Variants in UBR3 observed in about 807,000 individuals in gnomAD.
UBR3 encodes the protein E3 ubiquitin-protein ligase UBR3.
UBR3 carries 85 observed loss-of-function variants against 243.2 expected under a neutral mutation model. The ratio of observed to expected loss-of-function variants is 0.35; its 90% CI spans 0.29 to 0.42. UBR3 has a LOEUF of 0.42. Ranked by LOEUF, UBR3 falls within the 10% of genes least tolerant of loss-of-function variation. The pLI is 1.00. For missense variants in UBR3, 1,686 were observed against 2,300.8 expected (o/e 0.73, Z 5.47); for synonymous variants, 748 against 799.8 (o/e 0.94, Z 1.09).
intron 1 of UBR3, among the ~76,000 whole-genome samples, chr2:169,844,581 C>T (rs530181769): frequency 8.6e-5 from 13 of 150,444 alleles, no homozygotes; most frequent in African/African-American, 3.2e-4. Context: ...GCAACCTCTG[C>T]CTCCTGGGTT....
chr2:169,872,392 T>A lies in UBR3; in HGVS notation c.685+17T>A. 7.1e-7 allele frequency: 1 copy of A among 1,417,530 alleles called. No homozygotes were observed. The highest frequency in any genetic ancestry group is 2.6e-5 in the East Asian group (1 of 38,380). The allele number at this position is 1,417,530 out of a possible 1,614,324, so 87.8% of individuals were successfully genotyped here. A position where few individuals can be genotyped will look rare whatever the true frequency, so the allele number is the denominator to read the frequency against. ...ATGAACCAGGTATGTTTTAATCTAC[T>A]TCTTGTTAGTACTCTTTTTAAATTG... On this transcript the variant is annotated intron_variant, in intron 2 of 38. Transcript: ENST00000272793.
intron 30 of UBR3, among the ~76,000 whole-genome samples, chr2:170,023,914 T>C (rs1371401682): frequency 1.3e-5 from 2 of 152,066 alleles, no homozygotes; most frequent in Non-Finnish European, 2.9e-5. Context: ...GGTTTCACCA[T>C]GTTGGTCTCG....
At chr2:170,028,066 G>A (rs922710260) in intron 30 of UBR3, among the ~76,000 whole-genome samples, 1 of 151,934 alleles carries the variant, frequency 6.6e-6, no homozygotes, top group African/African-American at 2.4e-5. Context: ...GGAAGATGTA[G>A]GCTACACATT....
At chr2:170,064,865 C>T (rs567901128) in intron 35 of UBR3, among the ~76,000 whole-genome samples, 1 of 128,792 alleles carries the variant, frequency 7.8e-6, no homozygotes, top group African/African-American at 2.9e-5. Flanking sequence ...TTTTTTGAGA[C>T]AGAGACTCGC....
chr2:169,842,803 C>T (rs919575963), intron 1 of UBR3, among the ~76,000 whole-genome samples: 21 of 152,216 alleles, frequency 1.4e-4, no homozygotes, highest in African/African-American at 4.1e-4. Flanking sequence ...CGAGGGTCCG[C>T]GGCTTCATTC....
intron 19 of UBR3, among the ~76,000 whole-genome samples, chr2:169,933,235 A>T (rs1340407241): frequency 2.6e-5 from 4 of 152,226 alleles, no homozygotes; most frequent in African/African-American, 9.6e-5. Context: ...CACTAAATTA[A>T]AAAACAGAAA....
At position 170,040,847 on chromosome 2, in the gene UBR3, C is replaced by T. The variant is rs564735129; in HGVS notation, c.4557-35C>T. The T allele has an allele frequency of 1.2e-4, 175 of 1,482,470 alleles. 3 individuals carry two copies. The South Asian group carries it at 1.9e-3, about 16-fold the overall frequency. 91.8% of individuals were successfully genotyped at this position (1,482,470 alleles called of 1,614,324 possible). A position where few individuals can be genotyped will look rare whatever the true frequency, so the allele number is the denominator to read the frequency against. The stretch of plus-strand genomic sequence containing the variant: ...AAATAAATTAGAAAGAGAAGATATA[C>T]AATACTATGTAAAGTGACTACATTT... On this transcript the variant is annotated intron_variant, in intron 31 of 38. Transcript: ENST00000272793.
intron 38 of UBR3, among the ~76,000 whole-genome samples, chr2:170,081,344 CA>C (rs1211413333): frequency 6.6e-6 from 1 of 151,726 alleles, no homozygotes. Flanking sequence ...ACTAAAAATA[CA>C]AAAAATTAGC....
At chr2:170,055,059 G>T (rs1052441580) in intron 32 of UBR3, among the ~76,000 whole-genome samples, 2 of 152,186 alleles carry the variant, frequency 1.3e-5, no homozygotes, top group African/African-American at 4.8e-5. Flanking sequence ...CTCTTTGGGA[G>T]GCTGCAGTGG....
intron 26 of UBR3, among the ~76,000 whole-genome samples, chr2:169,998,909 A>G (rs2089594371): frequency 1.3e-5 from 2 of 152,170 alleles, no homozygotes; most frequent in East Asian, 3.8e-4. Flanking sequence ...CTCTCTTGTA[A>G]AAAGGGATAA....
intron 32 of UBR3, 108 bp downstream of exon 32, chr2:170,041,093 C>G: frequency 4.6e-6 from 5 of 1,085,234 alleles, no homozygotes; most frequent in South Asian, 1.6e-5. Flanking sequence ...TTGTAATCCC[C>G]GCACTTTAGG....
chr2:169,989,743 T>C lies in UBR3; in HGVS notation c.3784+2949T>C, dbSNP rs548367589. ...GAGATAGTGGGGTTTAAAAATCATT[T>C]TCTAAAGATAATTAGTACTTTCAGG... On this transcript the variant is annotated intron_variant, in intron 25 of 38. Transcript: ENST00000272793. Among the ~76,000 whole-genome samples, 10 of 152,336 alleles carry C rather than the reference T, an allele frequency of 6.6e-5. No homozygotes were observed. The East Asian group carries it at 1.9e-3, about 29-fold the overall frequency.
chr2:170,007,680 A>G (rs1234413576), intron 28 of UBR3, among the ~76,000 whole-genome samples: 1 of 152,112 alleles, frequency 6.6e-6, no homozygotes, highest in Non-Finnish European at 1.5e-5. Flanking sequence ...CCTGACCAAC[A>G]TGGCAAAACC....
chr2:169,890,593 G>GTGTGTA (rs1251011190), intron 5 of UBR3, among the ~76,000 whole-genome samples: 1 of 76,162 alleles, frequency 1.3e-5, no homozygotes, highest in Non-Finnish European at 2.6e-5. Flanking sequence ...ATATATATAT[G>GTGTGTA]TATATATATG....
intron 24 of UBR3, among the ~76,000 whole-genome samples, chr2:169,975,267 A>C (rs1263235446): frequency 6.6e-6 from 1 of 152,190 alleles, no homozygotes; most frequent in Non-Finnish European, 1.5e-5. Flanking sequence ...TACAGTTTCA[A>C]AAGTTCCTCG....
At chr2:170,081,553 G>C (rs2091907310) in intron 38 of UBR3, among the ~76,000 whole-genome samples, 173 bp from the exon 39 acceptor site, 1 of 151,978 alleles carries the variant, frequency 6.6e-6, no homozygotes, top group Non-Finnish European at 1.5e-5. Flanking sequence ...AGGCAGGCAT[G>C]GTGGTGAGCA....
chr2:170,015,514 G>C, intron 30 of UBR3, 148 bp downstream of exon 30: 1 of 544,040 alleles, frequency 1.8e-6, no homozygotes, highest in East Asian at 3.0e-5. Context: ...GGCTAATCTT[G>C]TACTTGGAAG....
intron 1 of UBR3, among the ~76,000 whole-genome samples, chr2:169,846,761 C>G (rs1553491138): frequency 6.6e-6 from 1 of 151,776 alleles, no homozygotes; most frequent in Non-Finnish European, 1.5e-5. Flanking sequence ...GAGACAGCAT[C>G]TCACCCTGTC....
rs137938923 is a variant in UBR3 at position 170,075,447 on chromosome 2, A to G, written c.5199+1840A>G. Among the ~76,000 whole-genome samples, 685 of 152,342 alleles carry G rather than the reference A, an allele frequency of 4.5e-3. 6 individuals carry two copies. The highest frequency in any genetic ancestry group is 0.016 in the African/African-American group (648 of 41,572). On this transcript the variant is annotated intron_variant, in intron 36 of 38. Transcript: ENST00000272793. ...TGAGCCATAGGTTAAAATCAAGCCT[A>G]CATTTTAGATGAATGATTATTGTAT... is the stretch of plus-strand genomic sequence containing the variant.
Sources: gnomAD v4.1 joint callset for allele counts (sites outside exome capture counted in the v4.1 genomes callset) on GRCh38, gnomAD v4.1.1 for gene constraint, MANE v1.5 for transcripts, NCBI Gene and HGNC (gene_info 2026-07-23, HGNC 2026-07-21) for gene names.